SLC4A4: variants seen among roughly 807,000 people sequenced by gnomAD.
SLC4A4 encodes electrogenic sodium bicarbonate cotransporter 1.
A neutral mutation model predicts 111.5 loss-of-function variants in SLC4A4; 27 were observed. The ratio of observed to expected loss-of-function variants is 0.24; its 90% confidence interval spans 0.18 to 0.33. The LOEUF (loss-of-function observed/expected upper bound fraction) is 0.33. SLC4A4 is among the 10% of genes least tolerant of loss of function. The pLI is 1.00. For synonymous variants in SLC4A4, 443 were observed against 463.4 expected, an observed-to-expected ratio of 0.96 and a Z score of 0.57; for missense variants, 909 against 1,315.5, an observed-to-expected ratio of 0.69 and a Z score of 4.78.
chr4:71,211,907 C>T (rs1167199314), intron 1 of SLC4A4, among the ~76,000 whole-genome samples: 6 of 151,450 alleles, frequency 4.0e-5, no homozygotes, highest in South Asian at 2.1e-4. Context: ...GAAAATTAGA[C>T]GCTAAAAACC....
chr4:71,289,773 A>G (rs1007400463), intron 3 of SLC4A4, among the ~76,000 whole-genome samples: 14 of 152,244 alleles, frequency 9.2e-5, no homozygotes, highest in African/African-American at 3.4e-4. Context: ...CACATTTGAC[A>G]TGTTAGTGAC....
chr4:71,116,859 C>T (rs1743281343), intron 2 of SLC4A4, among the ~76,000 whole-genome samples: 1 of 151,734 alleles, frequency 6.6e-6, no homozygotes, highest in South Asian at 2.1e-4. Context: ...AGAAGAATGG[C>T]TTGAACCCGG....
At position 71,440,765 on chromosome 4, in the gene SLC4A4, G is replaced by A; in HGVS notation, c.957G>A (p.Val319=). ...VMLGALTEVP[V]PTRFLFILLG... ...TGGGTGCCCTGACTGAAGTTCCTGT[G>A]CCCACAAGGTAAGCTGCTCTCCTAC... The change falls in exon 8 of 26, where the codon GTG becomes GTA. Residue 319 remains valine, a synonymous_variant. Transcript: ENST00000264485. The A allele has an allele frequency of 6.2e-7, 1 of 1,614,048 alleles. No individual in the cohort carries two copies. The highest frequency in any genetic ancestry group is 8.5e-7 in the Non-Finnish European group (1 of 1,179,986).
Position 71,356,984 on chromosome 4 carries a change from TTTTTGC to T in SLC4A4, c.551-18_551-13del. The T allele has an allele frequency of 2.5e-6, 4 of 1,612,886 alleles. No homozygotes were observed. The highest frequency in any genetic ancestry group is 1.3e-5 in the African/African-American group (1 of 74,994). Reference sequence around the variant, plus strand: ...TTGTGGTCTTGTGACTGAGTTTTGTTTTTTGCTTTTGTTTTTGTACCAGAGATGATT... The same window carrying T: ...TTGTGGTCTTGTGACTGAGTTTTGTTTTTTGTTTTTGTACCAGAGATGATT... On this transcript the variant is annotated intron_variant, in intron 5 of 25. Transcript: ENST00000264485.
intron 2 of SLC4A4, among the ~76,000 whole-genome samples, chr4:71,239,183 A>G (rs1372311257): frequency 6.6e-6 from 1 of 152,218 alleles, no homozygotes; most frequent in African/African-American, 2.4e-5. Flanking sequence ...ATTTTCTTTT[A>G]TGAAAGTAGT....
intron 7 of SLC4A4, among the ~76,000 whole-genome samples, chr4:71,408,071 A>C (rs143240164): frequency 1.3e-3 from 191 of 152,320 alleles, no homozygotes; most frequent in African/African-American, 4.2e-3. Context: ...CTTTTTTATT[A>C]ATAAGCTAAG....
chr4:71,125,626 A>G (rs1345150013), intron 2 of SLC4A4, among the ~76,000 whole-genome samples: 2 of 152,228 alleles, frequency 1.3e-5, no homozygotes, highest in Non-Finnish European at 2.9e-5. Flanking sequence ...TATTGAAATA[A>G]CAATTTGAAA....
intron 3 of SLC4A4, among the ~76,000 whole-genome samples, chr4:71,269,436 C>G (rs1017062204): frequency 6.6e-6 from 1 of 152,162 alleles, no homozygotes; most frequent in Non-Finnish European, 1.5e-5. Context: ...GGGCTTTTCC[C>G]GTTGCTCATC....
intron 7 of SLC4A4, among the ~76,000 whole-genome samples, chr4:71,431,687 T>C (rs1723658152): frequency 1.3e-5 from 2 of 152,052 alleles, no homozygotes; most frequent in African/African-American, 4.8e-5. Context: ...AGAATAGCTA[T>C]TGGTTTCTCT....
At chr4:71,498,118 C>A (rs1456754451) in intron 16 of SLC4A4, among the ~76,000 whole-genome samples, 2 of 152,082 alleles carry the variant, frequency 1.3e-5, no homozygotes, top group East Asian at 3.9e-4. Context: ...GAATTATGGG[C>A]TGTGGGAGTA....
chr4:71,116,855 A>G (rs557607085), intron 2 of SLC4A4, among the ~76,000 whole-genome samples: 1 of 152,188 alleles, frequency 6.6e-6, no homozygotes, highest in Admixed American at 6.5e-5. Flanking sequence ...AGGCAGAAGA[A>G]TGGCTTGAAC....
At chr4:71,392,790 A>G (rs1324595282) in intron 6 of SLC4A4, among the ~76,000 whole-genome samples, 1 of 152,124 alleles carries the variant, frequency 6.6e-6, no homozygotes, top group African/African-American at 2.4e-5. Context: ...ACCGAGTCCA[A>G]CAACATATCA....
intron 1 of SLC4A4, among the ~76,000 whole-genome samples, chr4:71,193,993 A>G (rs989335008): frequency 1.3e-5 from 2 of 152,232 alleles, no homozygotes; most frequent in African/African-American, 2.4e-5. Flanking sequence ...AACCAAAACA[A>G]TATTAAATAA....
At chr4:71,389,965 G>A (rs1719109436) in intron 6 of SLC4A4, among the ~76,000 whole-genome samples, 2 of 152,166 alleles carry the variant, frequency 1.3e-5, no homozygotes, top group Admixed American at 1.3e-4. Flanking sequence ...TCTTAGTTAT[G>A]AAATTCCTCC....
At chr4:71,271,354 G>A (rs886897326) in intron 3 of SLC4A4, among the ~76,000 whole-genome samples, 1 of 152,272 alleles carries the variant, frequency 6.6e-6, no homozygotes, top group South Asian at 2.1e-4. Context: ...TCCAAATCTG[G>A]TGCTCTTTTT....
At chr4:71,178,499 T>A (rs191919752) in intron 2 of SLC4A4, among the ~76,000 whole-genome samples, 87 of 151,776 alleles carry the variant, frequency 5.7e-4, no homozygotes, top group African/African-American at 2.1e-3. Flanking sequence ...ATCAAATAGA[T>A]GCAATAAAAA....
intron 1 of SLC4A4, among the ~76,000 whole-genome samples, chr4:71,077,129 GATTA>G (rs1232205443): frequency 2.0e-5 from 3 of 148,744 alleles, no homozygotes; most frequent in African/African-American, 4.9e-5. Flanking sequence ...GTTTGAAGTT[GATTA>G]ATTAGTGGTC....
At chr4:71,226,987 G>A (rs867085442) in intron 1 of SLC4A4, among the ~76,000 whole-genome samples, 3 of 152,126 alleles carry the variant, frequency 2.0e-5, no homozygotes, top group Admixed American at 2.0e-4. Context: ...AGCTCATAAT[G>A]TGGTGGGGAC....
chr4:71,071,794 T>C (rs895566025), intron 1 of SLC4A4, among the ~76,000 whole-genome samples: 1 of 152,242 alleles, frequency 6.6e-6, no homozygotes. Context: ...GATTCCATTA[T>C]ACAGATGTAT....
Sources: allele counts gnomAD v4.1 joint callset (sites outside exome capture counted in the v4.1 genomes callset), GRCh38; gene constraint gnomAD v4.1.1; transcripts MANE v1.5; gene names NCBI Gene and HGNC (gene_info 2026-07-23, HGNC 2026-07-21).